SLC25A21: variants seen among roughly 807,000 people sequenced by gnomAD.
SLC25A21 encodes solute carrier family 25 member 21.
In SLC25A21, 47 loss-of-function variants were observed where a neutral mutation model predicts 43.8. That is an observed-to-expected ratio of 1.07 (90% CI 0.85 to 1.37). The LOEUF (loss-of-function observed/expected upper bound fraction) is 1.37. Ranked by LOEUF, SLC25A21 falls within the 40% of genes most tolerant of loss-of-function variation. SLC25A21 has a pLI of 0.00. For missense variants in SLC25A21, 352 were observed against 350.2 expected (o/e 1.00, Z -0.04); for synonymous variants, 131 against 121.3 (o/e 1.08, Z -0.52).
At chr14:36,924,655 C>G (rs1474987262) in intron 1 of SLC25A21, among the ~76,000 whole-genome samples, 1 of 151,594 alleles carries the variant, frequency 6.6e-6, no homozygotes, top group African/African-American at 2.4e-5. Context: ...TGCACATGTA[C>G]CCTAGAACTT....
rs149710736 is a variant in SLC25A21 at position 37,011,665 on chromosome 14, AC to A, written c.71-136662del. On this transcript the variant is annotated intron_variant, in intron 1 of 9. Coordinates refer to ENST00000331299, the MANE Select transcript of SLC25A21 (RefSeq NM_030631.4). The stretch of plus-strand genomic sequence containing the variant: ...TACCACCATCATTATCTCAGCTAAT[AC>A]GTTTATAGAGTGTATGCGCCAGGCA... Among the ~76,000 whole-genome samples, 345 of 152,314 alleles carry A rather than the reference AC, an allele frequency of 2.3e-3. 1 individual carries two copies. Among genetic ancestry groups the A allele is most frequent in the African/African-American group, 8.0e-3 (333 of 41,590 alleles).
chr14:37,046,512 A>G (rs1179745958), intron 1 of SLC25A21, among the ~76,000 whole-genome samples: 1 of 152,148 alleles, frequency 6.6e-6, no homozygotes, highest in Non-Finnish European at 1.5e-5. Context: ...AATTGATTTG[A>G]TTTGGAAATT....
chr14:36,957,248 A>G (rs1208133133), intron 1 of SLC25A21, among the ~76,000 whole-genome samples: 3 of 152,026 alleles, frequency 2.0e-5, no homozygotes, highest in Non-Finnish European at 4.4e-5. Context: ...AGATCCAGAG[A>G]CTCAAGGAAG....
At position 36,729,537 on chromosome 14, in the gene SLC25A21, C is replaced by A; in HGVS notation, c.300G>T (p.Leu100Phe). The A allele has an allele frequency of 1.2e-6, 2 of 1,609,352 alleles. No individual in the cohort carries two copies. Residue 100 changes from leucine (L) to phenylalanine (F), a missense_variant, in exon 5 of 10, where the codon TTG (leucine) becomes TTT (phenylalanine). By Grantham distance (22) the Leu-to-Phe change is conservative (BLOSUM62 0). Transcript: ENST00000331299. ...CTGGTGACAGTGACACATATCCCAGCAATTTCTTGTACTGCTCAAAGGTGA... is the reference window on the plus strand; with the variant it reads ...CTGGTGACAGTGACACATATCCCAGAAATTTCTTGTACTGCTCAAAGGTGA... ...KFFTFEQYKK[L>F]LGYVSLSPAL...
Position 37,069,382 on chromosome 14 carries a change from C to T in SLC25A21, c.70+102899G>A, listed in dbSNP as rs147473031. On this transcript the variant is annotated intron_variant, in intron 1 of 9. Coordinates refer to ENST00000331299, the MANE Select transcript of SLC25A21 (RefSeq NM_030631.4). ...GTATCTGTGGCAACAGTAGATTATGCCCTCATGATATTTATGTCTCTATCC... is the reference window on the plus strand; with the variant it reads ...GTATCTGTGGCAACAGTAGATTATGTCCTCATGATATTTATGTCTCTATCC... Among the ~76,000 whole-genome samples the T allele has an allele frequency of 3.6e-3, 546 of 152,252 alleles. 3 individuals carry two copies. Among genetic ancestry groups the T allele is most frequent in the African/African-American group, 7.8e-3 (323 of 41,544 alleles).
chr14:36,921,805 CA>C (rs1891987700), intron 1 of SLC25A21, among the ~76,000 whole-genome samples: 1 of 152,084 alleles, frequency 6.6e-6, no homozygotes, highest in Non-Finnish European at 1.5e-5. Context: ...ATGACTTGTT[CA>C]CCATTCTGAA....
chr14:36,717,218 C>G (rs145318766), intron 6 of SLC25A21, among the ~76,000 whole-genome samples: 36 of 152,214 alleles, frequency 2.4e-4, no homozygotes, highest in South Asian at 6.2e-4. Context: ...GAAAAATCTT[C>G]CTTTTATTTG....
At position 37,137,516 on chromosome 14, in the gene SLC25A21, T is replaced by C. The variant is rs902283458; in HGVS notation, c.70+34765A>G. ...CTGATTTTCTTATAGAATTTTGTCA[T>C]TGTTTATAAGATGTATAAGATTGTA... is the stretch of plus-strand genomic sequence containing the variant. On this transcript the variant is annotated intron_variant, in intron 1 of 9. Transcript: ENST00000331299. Among the ~76,000 whole-genome samples, 4 of 152,170 alleles carry C rather than the reference T, an allele frequency of 2.6e-5. No homozygotes were observed. In the East Asian group the frequency reaches 5.8e-4, roughly 22 times the overall value.
At chr14:36,943,197 G>A (rs1892606453) in intron 1 of SLC25A21, among the ~76,000 whole-genome samples, 1 of 152,010 alleles carries the variant, frequency 6.6e-6, no homozygotes, top group African/African-American at 2.4e-5. Flanking sequence ...TTTAGTCACT[G>A]TCCCTGTGTT....
intron 1 of SLC25A21, among the ~76,000 whole-genome samples, chr14:37,148,998 G>C (rs77153960): frequency 6.6e-6 from 1 of 152,094 alleles, no homozygotes; most frequent in East Asian, 1.9e-4. Context: ...TCAACCTCCA[G>C]GGCTCAAGCA....
intron 3 of SLC25A21, among the ~76,000 whole-genome samples, chr14:36,754,576 TA>T (rs565559909): frequency 1.1e-3 from 172 of 152,330 alleles, no homozygotes; most frequent in African/African-American, 3.8e-3. Context: ...AGTTAAGAAG[TA>T]ATTGATATGG....
intron 1 of SLC25A21, among the ~76,000 whole-genome samples, chr14:36,935,706 G>A (rs939800368): frequency 6.6e-6 from 1 of 152,084 alleles, no homozygotes; most frequent in African/African-American, 2.4e-5. Flanking sequence ...AGGAACCTAG[G>A]GGGTGGGATG....
At chr14:36,772,377 T>A (rs561258219) in intron 3 of SLC25A21, among the ~76,000 whole-genome samples, 1 of 152,338 alleles carries the variant, frequency 6.6e-6, no homozygotes, top group East Asian at 1.9e-4. Flanking sequence ...TTGCACAGGC[T>A]TCTGGCTTTT....
intron 1 of SLC25A21, among the ~76,000 whole-genome samples, chr14:36,881,283 T>A: frequency 6.6e-6 from 1 of 152,174 alleles, no homozygotes; most frequent in East Asian, 1.9e-4. Context: ...TTCTTTATAT[T>A]TGAGATTACT....
chr14:36,810,961 G>GGGGGAAA (rs1555329750), intron 3 of SLC25A21, among the ~76,000 whole-genome samples: 7 of 150,598 alleles, frequency 4.6e-5, no homozygotes, highest in Non-Finnish European at 7.4e-5. Flanking sequence ...AGAAAAGAGG[G>GGGGGAAA]TCAGGGAGGG....
In SLC25A21 at chr14:36,678,703, T is replaced by TTATC; in HGVS notation, c.*1951_*1954dup. The TTATC allele has an allele frequency of 1.6e-6, 2 of 1,230,790 alleles. No individual in the cohort carries two copies. The allele number at this position is 1,230,790 out of a possible 1,614,324, so 76.2% of individuals were successfully genotyped here. ...GGAAATGCAAATAATGTTATTTTCTTTATCTAAATTAAGAAATCTCTTGTT... is the reference window on the plus strand; with the variant it reads ...GGAAATGCAAATAATGTTATTTTCTTTATCTATCTAAATTAAGAAATCTCTTGTT... On this transcript the variant is annotated 3_prime_UTR_variant, in exon 10 of 10. Coordinates refer to ENST00000331299, the MANE Select transcript of SLC25A21 (RefSeq NM_030631.4).
chr14:36,892,663 A>G (rs553894014), intron 1 of SLC25A21, among the ~76,000 whole-genome samples: 60 of 151,990 alleles, frequency 3.9e-4, no homozygotes, highest in African/African-American at 1.4e-3. Flanking sequence ...TCGTCATTTA[A>G]CATTAGGTAT....
chr14:36,813,953 C>T lies in SLC25A21; in HGVS notation c.168G>A (p.Leu56=), dbSNP rs191845006. 5 of 1,609,496 alleles carry T rather than the reference C, an allele frequency of 3.1e-6. 1 individual carries two copies. In the South Asian group the frequency reaches 4.5e-5, roughly 14 times the overall value. ...CATDPNSYKS[L]VDSFRMIFQM... is the part of the protein sequence containing the mutation. ...GGAAAATCATTCGAAAGCTGTCTAC[C>T]AAGCTTTTATAACTGTTTGGATCGG... The change falls in exon 3 of 10, where the codon TTG becomes TTA. Residue 56 remains leucine (L), a synonymous_variant. Transcript: ENST00000331299.
chr14:36,859,253 C>A (rs751725540), intron 2 of SLC25A21, among the ~76,000 whole-genome samples: 16 of 152,136 alleles, frequency 1.1e-4, no homozygotes, highest in Non-Finnish European at 2.1e-4. Flanking sequence ...AATGAGAGGC[C>A]AATCTACTAA....
Sources: gnomAD v4.1 joint callset for allele counts (sites outside exome capture counted in the v4.1 genomes callset) on GRCh38, gnomAD v4.1.1 for gene constraint, MANE v1.5 for transcripts, NCBI Gene and HGNC (gene_info 2026-07-23, HGNC 2026-07-21) for gene names.